Variants in IGSF3 observed in about 807,000 individuals in gnomAD.
The protein encoded by IGSF3 is glu-Trp-Ile EWI motif-containing protein 3.
In IGSF3, 23 loss-of-function variants were observed where a neutral mutation model predicts 114.4. The ratio of observed to expected loss-of-function variants is 0.20; its 90% CI spans 0.14 to 0.28. The LOEUF (loss-of-function observed/expected upper bound fraction) is 0.28, where lower values mean the gene tolerates loss of function less well. IGSF3 is among the 10% of genes least tolerant of loss of function. IGSF3 has a pLI of 1.00. For synonymous variants in IGSF3, 571 were observed against 645.2 expected (o/e 0.88, Z 1.74); for missense variants, 1,172 against 1,591.5 (o/e 0.74, Z 4.48).
In IGSF3 at chr1:116,665,659, A is replaced by G. The variant is rs1286608962; in HGVS notation, c.43+625T>C. Among the ~76,000 whole-genome samples, 2 of 152,150 alleles carry G rather than the reference A, an allele frequency of 1.3e-5. No individual in the cohort carries two copies. The highest frequency in any genetic ancestry group is 3.9e-4 in the East Asian group (2 of 5,194). On this transcript the variant is annotated intron_variant, in intron 2 of 10. Transcript: ENST00000369486. The surrounding 1 kb of genome is among the most constrained non-coding windows in gnomAD (Gnocchi z 4.0). ...TTGTGGGAGCACAAAAGCCAATCCT[A>G]AAATCTCCCCTACCAGGCAGCTTCC...
chr1:116,615,378 G>A lies in IGSF3; in HGVS notation c.421+702C>T, dbSNP rs904393328. Among the ~76,000 whole-genome samples the A allele has an allele frequency of 6.6e-6, 1 of 152,108 alleles. No individual in the cohort carries two copies. Among genetic ancestry groups the A allele is most frequent in the African/African-American group, 2.4e-5 (1 of 41,394 alleles). On this transcript the variant is annotated intron_variant, in intron 3 of 10. Transcript: ENST00000369486. The surrounding 1 kb of genome is among the most constrained non-coding windows in gnomAD (Gnocchi z 4.3). ...TAAAAATAAACAAATGATAGTATGT[G>A]TATTAATAAAAGAACTAGCAACACC...
chr1:116,606,191 G>A lies in IGSF3; in HGVS notation c.1222+1751C>T, dbSNP rs377348428. ...TGAAATTTCAAATCAGGAAGTTGACGGTGTAGCACAGGCTAAGCGCAGGGC... is the reference window on the plus strand; with the variant it reads ...TGAAATTTCAAATCAGGAAGTTGACAGTGTAGCACAGGCTAAGCGCAGGGC... On this transcript the variant is annotated intron_variant, in intron 5 of 10. Coordinates refer to ENST00000369486, the MANE Select transcript of IGSF3 (RefSeq NM_001007237.3). 1.5e-4 allele frequency among the ~76,000 whole-genome samples: 23 copies of A among 152,332 alleles called. No individual in the cohort carries two copies. The East Asian group carries it at 3.1e-3, about 20-fold the overall frequency.
At chr1:116,621,777 A>G (rs1474192515) in intron 2 of IGSF3, among the ~76,000 whole-genome samples, 1 of 152,256 alleles carries the variant, frequency 6.6e-6, no homozygotes, top group Non-Finnish European at 1.5e-5. Flanking sequence ...ATTGCATCAG[A>G]CAATAAATTG....
chr1:116,627,000 T>A (rs1571171091), intron 2 of IGSF3, among the ~76,000 whole-genome samples: 1 of 152,238 alleles, frequency 6.6e-6, no homozygotes, highest in East Asian at 1.9e-4. Flanking sequence ...AGTATTTGCC[T>A]TCTATTTTCT....
In IGSF3 at chr1:116,610,445, GC is replaced by G. The variant is rs1208384764; in HGVS notation, c.833-2115del. On this transcript the variant is annotated intron_variant, in intron 4 of 10. Transcript: ENST00000369486. The surrounding 1 kb of genome is among the most constrained non-coding windows in gnomAD (Gnocchi z 4.3). ...ATTTACCCACATCACCCCCGTTTCT[GC>G]CCTTGGTTATGCCCAGTCAATTACA... 1.3e-5 allele frequency among the ~76,000 whole-genome samples: 2 copies of G among 152,112 alleles called. No individual in the cohort carries two copies. Among genetic ancestry groups the G allele is most frequent in the Non-Finnish European group, 2.9e-5 (2 of 68,022 alleles).
At position 116,651,092 on chromosome 1, in the gene IGSF3, T is replaced by C. The variant is rs1332159267; in HGVS notation, c.43+15192A>G. Among the ~76,000 whole-genome samples the C allele has an allele frequency of 6.6e-6, 1 of 152,136 alleles. No homozygotes were observed. The highest frequency in any genetic ancestry group is 1.5e-5 in the Non-Finnish European group (1 of 68,012). On this transcript the variant is annotated intron_variant, in intron 2 of 10. Transcript: ENST00000369486. This position sits in a 1 kb window ranked among gnomAD's most constrained non-coding sequence, Gnocchi z 4.4. ...CCAGGCACAAAAAGGAAGCTCACAA[T>C]AAGGAACGCCCATGCCTAGCCATAA...
rs999748987 is a variant in IGSF3, at chr1:116,648,387, G to C, written c.43+17897C>G. Among the ~76,000 whole-genome samples the C allele has an allele frequency of 6.6e-6, 1 of 152,148 alleles. No homozygotes were observed. The highest frequency in any genetic ancestry group is 2.4e-5 in the African/African-American group (1 of 41,420). On this transcript the variant is annotated intron_variant, in intron 2 of 10. Transcript: ENST00000369486. This position sits in a 1 kb window ranked among gnomAD's most constrained non-coding sequence, Gnocchi z 4.7. The stretch of plus-strand genomic sequence containing the variant: ...TAGAGAAGAAACAGGATGCACGGGA[G>C]ATCACACACAGAGTAAGAGGTGCCT...
intron 2 of IGSF3, among the ~76,000 whole-genome samples, chr1:116,641,223 C>T (rs1311681609): frequency 2.6e-5 from 4 of 152,118 alleles, no homozygotes; most frequent in East Asian, 3.9e-4. Context: ...AAGAACGGGG[C>T]GTGGTGGCTC....
In IGSF3 at chr1:116,576,955, G is replaced by T; in HGVS notation, c.*357C>A. The T allele has an allele frequency of 5.4e-6, 1 of 184,580 alleles. No individual in the cohort carries two copies. Among genetic ancestry groups the T allele is most frequent in the Non-Finnish European group, 1.1e-5 (1 of 88,160 alleles). 11.4% of individuals were successfully genotyped at this position (184,580 alleles called of 1,614,324 possible). A position where few individuals can be genotyped will look rare whatever the true frequency, so the allele number is the denominator to read the frequency against. ...GGAATCCAAAAAGGGTAAACTAAAG[G>T]GATTTAAAAAGAGTACATTACAAAG... is the stretch of plus-strand genomic sequence containing the variant. On this transcript the variant is annotated 3_prime_UTR_variant, in exon 11 of 11. Coordinates refer to ENST00000369486, the MANE Select transcript of IGSF3 (RefSeq NM_001007237.3). The surrounding 1 kb of genome is among the most constrained non-coding windows in gnomAD (Gnocchi z 4.6).
Position 116,612,463 on chromosome 1 carries a change from C to T in IGSF3, c.832+1302G>A, listed in dbSNP as rs1571156046. On this transcript the variant is annotated intron_variant, in intron 4 of 10. Transcript: ENST00000369486. The surrounding 1 kb of genome is among the most constrained non-coding windows in gnomAD (Gnocchi z 4.1). ...CCTGGGAAGCGTGCCGGAAATCCAG[C>T]TTCCCAGGTCCCATCCCAGGAGCCT... 6.6e-6 allele frequency among the ~76,000 whole-genome samples: 1 copy of T among 151,888 alleles called. No individual in the cohort carries two copies.
In IGSF3 at chr1:116,633,820, A is replaced by G. The variant is rs1647703112; in HGVS notation, c.44-17363T>C. 6.6e-6 allele frequency among the ~76,000 whole-genome samples: 1 copy of G among 152,262 alleles called. No homozygotes were observed. Among genetic ancestry groups the G allele is most frequent in the African/African-American group, 2.4e-5 (1 of 41,474 alleles). On this transcript the variant is annotated intron_variant, in intron 2 of 10. Coordinates refer to ENST00000369486, the MANE Select transcript of IGSF3 (RefSeq NM_001007237.3). The surrounding 1 kb of genome is among the most constrained non-coding windows in gnomAD (Gnocchi z 4.3). ...ACATAGAAAAAGTCTGACTTGAATT[A>G]GAAGCAGCACTTAAAATTACAGGTT...
At position 116,616,603 on chromosome 1, in the gene IGSF3, A is replaced by G. The variant is rs1661228170; in HGVS notation, c.44-146T>C. 2.1e-5 allele frequency: 13 copies of G among 618,610 alleles called. No homozygotes were observed. Among genetic ancestry groups the G allele is most frequent in the Non-Finnish European group, 3.3e-5 (12 of 363,130 alleles). 38.3% of individuals were successfully genotyped at this position (618,610 alleles called of 1,614,324 possible). Reference sequence around the variant, plus strand: ...CTGGCCCTTTCAAAGGCGCTTTGTGATTTATAAATATTAATTAAAACACTC... The same window carrying G: ...CTGGCCCTTTCAAAGGCGCTTTGTGGTTTATAAATATTAATTAAAACACTC... On this transcript the variant is annotated intron_variant, in intron 2 of 10. Transcript: ENST00000369486. The surrounding 1 kb of genome is among the most constrained non-coding windows in gnomAD (Gnocchi z 6.6).
At chr1:116,586,074 C>CTG (rs1659831021) in intron 8 of IGSF3, among the ~76,000 whole-genome samples, 1 of 152,122 alleles carries the variant, frequency 6.6e-6, no homozygotes, top group Non-Finnish European at 1.5e-5. Flanking sequence ...TATCTAGAAG[C>CTG]TGTGACACTA....
At chr1:116,590,207 G>C (rs1045110482) in intron 7 of IGSF3, among the ~76,000 whole-genome samples, 1 of 151,794 alleles carries the variant, frequency 6.6e-6, no homozygotes, top group Admixed American at 6.6e-5. Flanking sequence ...CCTGTGGAGC[G>C]CCTCCCCAGC....
chr1:116,609,031 G>GTACT (rs1464581487), intron 4 of IGSF3, among the ~76,000 whole-genome samples: 1 of 151,922 alleles, frequency 6.6e-6, no homozygotes, highest in Non-Finnish European at 1.5e-5. Flanking sequence ...TACCTACTAA[G>GTACT]TACTTACTTT....
rs1338850644 is a variant in IGSF3 at position 116,616,863 on chromosome 1, T to C, written c.44-406A>G. On this transcript the variant is annotated intron_variant, in intron 2 of 10. Coordinates refer to ENST00000369486, the MANE Select transcript of IGSF3 (RefSeq NM_001007237.3). The surrounding 1 kb of genome is among the most constrained non-coding windows in gnomAD (Gnocchi z 6.6). ...AGATGAAAACAAATAAAAGCAACCA[T>C]CTAGAAATCTGGCTGAAATTAAATG... 6.6e-6 allele frequency among the ~76,000 whole-genome samples: 1 copy of C among 152,154 alleles called. No homozygotes were observed. The highest frequency in any genetic ancestry group is 2.1e-4 in the South Asian group (1 of 4,834).
In IGSF3 at chr1:116,583,632, GA is replaced by G. The variant is rs994756476; in HGVS notation, c.2848+1012del. On this transcript the variant is annotated intron_variant, in intron 9 of 10. Transcript: ENST00000369486. This position sits in a 1 kb window ranked among gnomAD's most constrained non-coding sequence, Gnocchi z 4.5. Reference sequence around the variant, plus strand: ...ACAAATGTGAATGTCAGGATGCTCAGAAAACAAACAAGATACTGATGGGGTC... The same window carrying G: ...ACAAATGTGAATGTCAGGATGCTCAGAAACAAACAAGATACTGATGGGGTC... Among the ~76,000 whole-genome samples the G allele has an allele frequency of 1.3e-5, 2 of 152,188 alleles. No homozygotes were observed. The highest frequency in any genetic ancestry group is 2.4e-5 in the African/African-American group (1 of 41,442).
intron 8 of IGSF3, among the ~76,000 whole-genome samples, chr1:116,586,389 T>TG (rs1659845496): frequency 6.6e-6 from 1 of 151,432 alleles, no homozygotes; most frequent in African/African-American, 2.4e-5. Flanking sequence ...GGGGGGATTT[T>TG]TGTGTGTGTG....
chr1:116,588,980 A>C lies in IGSF3; in HGVS notation c.2154T>G (p.Tyr718Ter). The C allele has an allele frequency of 1.2e-6, 2 of 1,614,226 alleles. No homozygotes were observed. Among genetic ancestry groups the C allele is most frequent in the Non-Finnish European group, 1.7e-6 (2 of 1,180,034 alleles). The change falls in exon 8 of 11, where the codon TAT becomes TAG. Residue 718 changes from tyrosine to a stop codon, truncating the protein, a stop_gained. Coordinates refer to ENST00000369486, the MANE Select transcript of IGSF3 (RefSeq NM_001007237.3). LOFTEE classifies it high-confidence loss of function. This position sits in a 1 kb window ranked among gnomAD's most constrained non-coding sequence, Gnocchi z 4.9. ...SQNSHFAVLW[Y>*]VHKPSDADGK... ...CATCGGCATCCGAGGGCTTGTGGAC[A>C]TACCAGAGCACCGCAAAGTGGGAGT...
Sources: allele counts gnomAD v4.1 joint callset (sites outside exome capture counted in the v4.1 genomes callset), GRCh38; gene constraint gnomAD v4.1.1; non-coding constraint Gnocchi (gnomAD v3.1); transcripts MANE v1.5; gene names NCBI Gene and HGNC (gene_info 2026-07-23, HGNC 2026-07-21).